DSCAM: variants seen among roughly 807,000 people sequenced by gnomAD.
DSCAM encodes the protein DS cell adhesion molecule.
Under a neutral mutation model 217.7 loss-of-function variants are expected in DSCAM, and 47 were observed. That is an observed-to-expected ratio of 0.22 (90% CI 0.17 to 0.28). The LOEUF is 0.28. Ranked by LOEUF, DSCAM falls within the 10% of genes least tolerant of loss-of-function variation. The pLI is 1.00. For missense variants in DSCAM, 2,080 were observed against 2,618.3 expected (o/e 0.79, Z 4.49); for synonymous variants, 1,056 against 1,015.3 (o/e 1.04, Z -0.76).
chr21:40,641,335 A>G (rs9980140), intron 3 of DSCAM, among the ~76,000 whole-genome samples: 29,395 of 152,060 alleles, frequency 0.19, 3,510 homozygotes, highest in South Asian at 0.25. Flanking sequence ...ACGGGGCGAG[A>G]GAAAACAGAC....
chr21:40,568,176 T>C (rs1370778134), intron 3 of DSCAM, among the ~76,000 whole-genome samples: 2 of 152,228 alleles, frequency 1.3e-5, no homozygotes, highest in Non-Finnish European at 2.9e-5. Flanking sequence ...TCAAATTCTT[T>C]TCTAAGTCAC....
intron 3 of DSCAM, among the ~76,000 whole-genome samples, chr21:40,572,529 G>A (rs1052206926): frequency 2.0e-5 from 3 of 152,032 alleles, no homozygotes. Context: ...AGAGCATAAA[G>A]AGATAGATAT....
At chr21:40,792,117 C>T (rs570758262) in intron 1 of DSCAM, among the ~76,000 whole-genome samples, 3 of 143,876 alleles carry the variant, frequency 2.1e-5, no homozygotes, top group African/African-American at 7.7e-5. Context: ...GTCCCGGTGT[C>T]CTAATCTCTT....
At chr21:40,822,787 A>G (rs1184911805) in intron 1 of DSCAM, among the ~76,000 whole-genome samples, 1 of 152,212 alleles carries the variant, frequency 6.6e-6, no homozygotes, top group Non-Finnish European at 1.5e-5. Context: ...CAGTTTTTCA[A>G]TAAGTACAAA....
At chr21:40,551,810 C>T (rs865940489) in intron 3 of DSCAM, among the ~76,000 whole-genome samples, 22 of 152,160 alleles carry the variant, frequency 1.4e-4, no homozygotes, top group African/African-American at 4.8e-4. Flanking sequence ...GCTGCTCAGT[C>T]GTGTCTAAAC....
At chr21:40,262,843 A>T (rs576572983) in intron 11 of DSCAM, among the ~76,000 whole-genome samples, 2 of 152,342 alleles carry the variant, frequency 1.3e-5, no homozygotes, top group South Asian at 4.1e-4. Flanking sequence ...CATGGTAAGA[A>T]CTCAGCAAAT....
intron 1 of DSCAM, among the ~76,000 whole-genome samples, chr21:40,737,941 A>T (rs143888969): frequency 2.0e-4 from 30 of 152,262 alleles, no homozygotes; most frequent in Non-Finnish European, 3.1e-4. Flanking sequence ...TGATCCTCCC[A>T]TTCAAGTCTC....
intron 3 of DSCAM, among the ~76,000 whole-genome samples, chr21:40,664,415 C>T (rs28503612): frequency 6.6e-6 from 1 of 152,094 alleles, no homozygotes; most frequent in Non-Finnish European, 1.5e-5. Flanking sequence ...TGTTTCCCCC[C>T]GGGATGAAGT....
intron 11 of DSCAM, among the ~76,000 whole-genome samples, chr21:40,215,935 TC>T (rs1474880417): frequency 2.5e-5 from 3 of 118,118 alleles, no homozygotes; most frequent in African/African-American, 8.7e-5. Context: ...CCTTTTCTTC[TC>T]CTTTAAAAAA....
intron 2 of DSCAM, among the ~76,000 whole-genome samples, chr21:40,703,233 T>C (rs1206456168): frequency 6.6e-6 from 1 of 152,170 alleles, no homozygotes; most frequent in African/African-American, 2.4e-5. Flanking sequence ...ACCATTATTT[T>C]ATAAATTTAC....
rs114238207 is a variant in DSCAM at position 40,084,847 on chromosome 21, C to A, written c.4132+755G>T. 3.7e-3 allele frequency among the ~76,000 whole-genome samples: 559 copies of A among 152,148 alleles called. 6 individuals are homozygous for A. The highest frequency in any genetic ancestry group is 0.013 in the African/African-American group (536 of 41,500). On this transcript the variant is annotated intron_variant, in intron 23 of 32. Coordinates refer to ENST00000400454, the MANE Select transcript of DSCAM (RefSeq NM_001389.5). ...CTTCAATTAATTTGAAATTCAAGATCAATTTTGCAGCATTTTTAGAAATAT... is the reference window on the plus strand; with the variant it reads ...CTTCAATTAATTTGAAATTCAAGATAAATTTTGCAGCATTTTTAGAAATAT...
intron 20 of DSCAM, among the ~76,000 whole-genome samples, chr21:40,114,618 G>T (rs1181093121): frequency 6.6e-6 from 1 of 152,168 alleles, no homozygotes; most frequent in Admixed American, 6.5e-5. Context: ...CCATCAGCGT[G>T]AACAGGCAAC....
chr21:40,314,467 T>C (rs2074174576), intron 8 of DSCAM, among the ~76,000 whole-genome samples: 1 of 152,310 alleles, frequency 6.6e-6, no homozygotes, highest in South Asian at 2.1e-4. Flanking sequence ...CCAGTGCTGG[T>C]GGAGAGAATC....
intron 32 of DSCAM, among the ~76,000 whole-genome samples, chr21:40,040,448 C>A (rs1453685073): frequency 6.6e-6 from 1 of 152,204 alleles, no homozygotes; most frequent in Non-Finnish European, 1.5e-5. Context: ...CCTAGAAGCT[C>A]ATTCTGTGCC....
chr21:40,618,606 T>C (rs543187569), intron 3 of DSCAM: 6 of 150,882 alleles, frequency 4.0e-5, no homozygotes, highest in African/African-American at 1.5e-4. Context: ...AGGGTAGATA[T>C]AAATTAATTG....
intron 3 of DSCAM, among the ~76,000 whole-genome samples, chr21:40,574,043 C>T (rs1018635645): frequency 6.6e-6 from 1 of 151,840 alleles, no homozygotes; most frequent in African/African-American, 2.4e-5. Context: ...GACTAGATGT[C>T]AATATCTAAG....
intron 1 of DSCAM, among the ~76,000 whole-genome samples, chr21:40,756,879 A>G (rs1248990530): frequency 1.3e-5 from 2 of 152,180 alleles, no homozygotes; most frequent in African/African-American, 4.8e-5. Context: ...TCTTAGAGGT[A>G]GTATTGCAAG....
chr21:40,799,161 A>G (rs967527179), intron 1 of DSCAM, among the ~76,000 whole-genome samples: 1 of 152,172 alleles, frequency 6.6e-6, no homozygotes. Flanking sequence ...TGTAAGTAAC[A>G]TCAGTGATTC....
At chr21:40,345,303 A>AT (rs1292567916) in intron 6 of DSCAM, among the ~76,000 whole-genome samples, 2 of 151,902 alleles carry the variant, frequency 1.3e-5, no homozygotes, top group Non-Finnish European at 2.9e-5. Flanking sequence ...TGTATGTCTC[A>AT]TTTTTATTGC....
Sources: gnomAD v4.1 joint callset for allele counts (sites outside exome capture counted in the v4.1 genomes callset) on GRCh38, gnomAD v4.1.1 for gene constraint, MANE v1.5 for transcripts, NCBI Gene and HGNC (gene_info 2026-07-23, HGNC 2026-07-21) for gene names.